Variants in KHDRBS3 observed in about 807,000 individuals in gnomAD.
KHDRBS3 encodes KH RNA binding domain containing, signal transduction associated 3.
A neutral mutation model predicts 45.6 loss-of-function variants in KHDRBS3; 23 were observed. The observed-to-expected ratio is 0.50, with a 90% CI of 0.36 to 0.72. KHDRBS3 has a LOEUF of 0.72. Among genes scored for constraint, KHDRBS3 ranks in the 30% least tolerant of loss-of-function variants. The probability of loss-of-function intolerance (pLI) is 0.00; values close to 1 mark genes in which losing one functional copy is unlikely to be tolerated. For missense variants in KHDRBS3, 352 were observed against 424.8 expected, an observed-to-expected ratio of 0.83 and a Z score of 1.51; for synonymous variants, 162 against 156.5, an observed-to-expected ratio of 1.04 and a Z score of -0.26.
intron 1 of KHDRBS3, among the ~76,000 whole-genome samples, chr8:135,490,725 C>G (rs1823105989): frequency 6.6e-6 from 1 of 152,118 alleles, no homozygotes; most frequent in Non-Finnish European, 1.5e-5. Flanking sequence ...ATATGAATCA[C>G]AAGACCAATT....
intron 3 of KHDRBS3, among the ~76,000 whole-genome samples, chr8:135,546,924 T>A (rs1826334607): frequency 6.6e-6 from 1 of 152,218 alleles, no homozygotes; most frequent in African/African-American, 2.4e-5. Flanking sequence ...ATCCTCTCTG[T>A]CCAGCTTAAG....
chr8:135,626,172 A>G (rs1415575778), intron 7 of KHDRBS3, among the ~76,000 whole-genome samples: 1 of 152,238 alleles, frequency 6.6e-6, no homozygotes, highest in Non-Finnish European at 1.5e-5. Context: ...ACATTATTTC[A>G]TTTAAACTTT....
chr8:135,617,795 T>C (rs749525086), intron 7 of KHDRBS3, among the ~76,000 whole-genome samples: 1 of 152,224 alleles, frequency 6.6e-6, no homozygotes, highest in Non-Finnish European at 1.5e-5. Context: ...ACGTCTCCAG[T>C]CAATAAAATC....
At chr8:135,632,820 C>T (rs1464632952) in intron 7 of KHDRBS3, among the ~76,000 whole-genome samples, 1 of 152,150 alleles carries the variant, frequency 6.6e-6, no homozygotes, top group Non-Finnish European at 1.5e-5. Context: ...CCTCTCTGCT[C>T]CAATTGCACT....
intron 2 of KHDRBS3, among the ~76,000 whole-genome samples, chr8:135,531,127 A>G (rs1463220375): frequency 6.6e-6 from 1 of 152,088 alleles, no homozygotes; most frequent in East Asian, 1.9e-4. Context: ...AAGTTAGCTT[A>G]TTTCAGATTG....
chr8:135,588,255 T>C (rs1828575313), intron 6 of KHDRBS3, among the ~76,000 whole-genome samples: 1 of 152,190 alleles, frequency 6.6e-6, no homozygotes. Flanking sequence ...GTGTACTTAC[T>C]ACTGCTAATT....
At chr8:135,506,128 G>A (rs916276198) in intron 1 of KHDRBS3, among the ~76,000 whole-genome samples, 1 of 152,136 alleles carries the variant, frequency 6.6e-6, no homozygotes, top group Non-Finnish European at 1.5e-5. Context: ...TTCAAACCTT[G>A]AGTATTCTTA....
At chr8:135,580,830 C>T (rs889591155) in intron 5 of KHDRBS3, among the ~76,000 whole-genome samples, 4 of 152,110 alleles carry the variant, frequency 2.6e-5, no homozygotes, top group Middle Eastern at 3.2e-3. Context: ...CCAGGCTGGT[C>T]TTGAACTCTT....
intron 6 of KHDRBS3, among the ~76,000 whole-genome samples, chr8:135,605,496 ATATC>A (rs1563801157): frequency 2.6e-5 from 4 of 151,992 alleles, no homozygotes; most frequent in Non-Finnish European, 5.9e-5. Context: ...TATGTTTTCT[ATATC>A]TATATTAATA....
chr8:135,519,571 C>T (rs984553110), intron 1 of KHDRBS3, among the ~76,000 whole-genome samples: 9 of 152,210 alleles, frequency 5.9e-5, no homozygotes, highest in African/African-American at 2.2e-4. Context: ...ATTTGTAAGT[C>T]ACATGAGATC....
intron 5 of KHDRBS3, among the ~76,000 whole-genome samples, chr8:135,561,818 TG>T (rs2130850400): frequency 6.6e-6 from 1 of 152,244 alleles, no homozygotes; most frequent in African/African-American, 2.4e-5. Flanking sequence ...TATAGGCTAA[TG>T]TGCGTTTGTA....
intron 2 of KHDRBS3, among the ~76,000 whole-genome samples, chr8:135,524,342 T>G (rs1242685320): frequency 6.6e-6 from 1 of 152,174 alleles, no homozygotes; most frequent in Non-Finnish European, 1.5e-5. Flanking sequence ...TGTCAGATTT[T>G]AATGTTAGTG....
At chr8:135,500,350 A>G (rs2130499434) in intron 1 of KHDRBS3, among the ~76,000 whole-genome samples, 1 of 152,106 alleles carries the variant, frequency 6.6e-6, no homozygotes, top group East Asian at 1.9e-4. Context: ...TTTTGTTTCC[A>G]AAGAATAGAA....
chr8:135,470,097 C>G (rs531125661), intron 1 of KHDRBS3, among the ~76,000 whole-genome samples: 142 of 152,292 alleles, frequency 9.3e-4, no homozygotes, highest in African/African-American at 3.2e-3. Flanking sequence ...TCGTCTTCCT[C>G]TCTGTGAGAA....
At chr8:135,602,314 G>T (rs1217164594) in intron 6 of KHDRBS3, among the ~76,000 whole-genome samples, 1 of 152,110 alleles carries the variant, frequency 6.6e-6, no homozygotes, top group Non-Finnish European at 1.5e-5. Context: ...AATAATACTC[G>T]TCATAATGGA....
intron 2 of KHDRBS3, among the ~76,000 whole-genome samples, chr8:135,528,137 A>G (rs2130694694): frequency 1.3e-5 from 2 of 152,308 alleles, no homozygotes; most frequent in East Asian, 3.9e-4. Flanking sequence ...TACTATCTGC[A>G]GTAACTTTGT....
At chr8:135,469,325 C>T (rs1209501209) in intron 1 of KHDRBS3, among the ~76,000 whole-genome samples, 1 of 152,196 alleles carries the variant, frequency 6.6e-6, no homozygotes, top group Non-Finnish European at 1.5e-5. Flanking sequence ...CGCTCTGTCG[C>T]CCAGGCTGGA....
intron 4 of KHDRBS3, among the ~76,000 whole-genome samples, chr8:135,653,045 G>C (rs527751494): frequency 5.8e-4 from 89 of 152,232 alleles, no homozygotes; most frequent in African/African-American, 2.1e-3. Context: ...TATCTCATTT[G>C]AACTGCTGCT....
rs1563699751 is a variant in KHDRBS3 at position 135,469,529 on chromosome 8, T to TG, written c.88+11575_88+11576insG. 3.4e-3 allele frequency among the ~76,000 whole-genome samples: 83 copies of TG among 24,288 alleles called. 2 individuals carry two copies. The highest frequency in any genetic ancestry group is 6.9e-3 in the African/African-American group (79 of 11,502). 15.9% of individuals were successfully genotyped at this position (24,288 alleles called of 152,430 possible). ...GTGTTTTTTTTTTGTTTTGGTTTTTTTTTTTTTTTTTTTTTTTTGAGACGA... is the reference window on the plus strand; with the variant it reads ...GTGTTTTTTTTTTGTTTTGGTTTTTTGTTTTTTTTTTTTTTTTTTGAGACGA... On this transcript the variant is annotated intron_variant, in intron 1 of 8. Transcript: ENST00000355849.
Sources: allele counts gnomAD v4.1 joint callset (sites outside exome capture counted in the v4.1 genomes callset), GRCh38; gene constraint gnomAD v4.1.1; transcripts MANE v1.5; gene names NCBI Gene and HGNC (gene_info 2026-07-23, HGNC 2026-07-21).